Variants in LANCL2 observed in about 807,000 individuals in gnomAD.
The protein encoded by LANCL2 is lanC-like protein 2.
A neutral mutation model predicts 56.9 loss-of-function variants in LANCL2; 33 were observed. The observed-to-expected ratio is 0.58, with a 90% confidence interval of 0.44 to 0.78. LANCL2 has a LOEUF of 0.78. Ranked by LOEUF, LANCL2 falls within the 30% of genes least tolerant of loss-of-function variation. The probability of loss-of-function intolerance (pLI) is 0.00; values close to 1 mark genes in which losing one functional copy is unlikely to be tolerated. For missense variants in LANCL2, 562 were observed against 580.2 expected (o/e 0.97, Z 0.32); for synonymous variants, 233 against 228.2 (o/e 1.02, Z -0.19).
At chr7:55,406,319 G>A (rs1790406445) in intron 5 of LANCL2, among the ~76,000 whole-genome samples, 1 of 152,200 alleles carries the variant, frequency 6.6e-6, no homozygotes, top group African/African-American at 2.4e-5. Flanking sequence ...TCATAGGCTG[G>A]CCAGAGCGTC....
At chr7:55,398,804 ATG>A (rs1355198979) in intron 3 of LANCL2, among the ~76,000 whole-genome samples, 174 bp downstream of exon 3, 2 of 152,236 alleles carry the variant, frequency 1.3e-5, no homozygotes, top group Non-Finnish European at 2.9e-5. Context: ...TTATCCAAGC[ATG>A]TGTGTGCCTT....
chr7:55,376,182 G>A (rs1277779233), intron 1 of LANCL2, among the ~76,000 whole-genome samples: 1 of 152,164 alleles, frequency 6.6e-6, no homozygotes, highest in Non-Finnish European at 1.5e-5. Context: ...ACTCCAGTCT[G>A]CCCCTTACTG....
intron 5 of LANCL2, among the ~76,000 whole-genome samples, chr7:55,405,535 A>G (rs1254892241): frequency 2.0e-5 from 3 of 148,112 alleles, no homozygotes; most frequent in Non-Finnish European, 4.4e-5. Context: ...CTTTTGCCCA[A>G]GCTAGAGTGC....
chr7:55,397,866 T>C (rs1790273604), intron 2 of LANCL2, among the ~76,000 whole-genome samples: 1 of 152,060 alleles, frequency 6.6e-6, no homozygotes, highest in African/African-American at 2.4e-5. Flanking sequence ...CTCTGTACTG[T>C]GTGGCTGCTC....
Position 55,398,501 on chromosome 7 carries a change from A to G in LANCL2, c.401A>G (p.Lys134Arg). 1 of 1,614,156 alleles carries G rather than the reference A, an allele frequency of 6.2e-7. No homozygotes were observed. The highest frequency in any genetic ancestry group is 8.5e-7 in the Non-Finnish European group (1 of 1,180,034). Reference sequence around the variant, plus strand: ...CTGCTCCGATCCCTGGATTACGTAAAAAGAACACTTCGGAATCTGAATGGC... The same window carrying G: ...CTGCTCCGATCCCTGGATTACGTAAGAAGAACACTTCGGAATCTGAATGGC... Reference protein sequence around the residue: ...TYLLRSLDYVKRTLRNLNGRR... With the variant: ...TYLLRSLDYVRRTLRNLNGRR... Residue 134 changes from lysine (K) to arginine (R), a missense_variant, in exon 3 of 9, where the codon AAA becomes AGA. Physicochemically the swap from Lys to Arg is conservative, Grantham distance 26. Around this residue, in one of 2 missense-constraint regions of LANCL2, gnomAD observed 378 missense variants for 468.4 expected, o/e 0.81. Coordinates refer to ENST00000254770, the MANE Select transcript of LANCL2 (RefSeq NM_018697.4).
intron 2 of LANCL2, among the ~76,000 whole-genome samples, chr7:55,396,040 CATAG>C (rs765401806): frequency 1.3e-5 from 2 of 152,178 alleles, no homozygotes; most frequent in Non-Finnish European, 2.9e-5. Flanking sequence ...TGTATCTAAA[CATAG>C]ATATAGAAAA....
At chr7:55,371,699 A>G (rs1310752440) in intron 1 of LANCL2, among the ~76,000 whole-genome samples, 1 of 152,178 alleles carries the variant, frequency 6.6e-6, no homozygotes, top group Non-Finnish European at 1.5e-5. Flanking sequence ...TTTTCCACAG[A>G]AAAAAATCAG....
At chr7:55,370,431 T>A (rs936299713) in intron 1 of LANCL2, among the ~76,000 whole-genome samples, 1 of 152,226 alleles carries the variant, frequency 6.6e-6, no homozygotes, top group Non-Finnish European at 1.5e-5. Context: ...ATAAATACCA[T>A]GAACTGTAGA....
rs114163857 is a variant in LANCL2, at chr7:55,406,447, C to T, written c.825+5127C>T. On this transcript the variant is annotated intron_variant, in intron 5 of 8. Transcript: ENST00000254770. ...AGAGTCGGCTGAAAGATCTGGTTCC[C>T]GCTTAGCCCTTAGGGCAGAAAGCCT... Among the ~76,000 whole-genome samples the T allele has an allele frequency of 8.9e-4, 135 of 152,248 alleles. 2 individuals carry two copies. Among genetic ancestry groups the T allele is most frequent in the African/African-American group, 2.8e-3 (117 of 41,548 alleles).
intron 5 of LANCL2, among the ~76,000 whole-genome samples, chr7:55,411,187 G>A (rs1347973558): frequency 1.3e-5 from 2 of 152,186 alleles, no homozygotes; most frequent in Non-Finnish European, 2.9e-5. Context: ...ATGGGAAGCT[G>A]TACAGTAACT....
rs1283538649 is a variant in LANCL2 at position 55,431,273 on chromosome 7, A to T, written c.1306A>T (p.Thr436Ser). 1 of 1,613,868 alleles carries T rather than the reference A, an allele frequency of 6.2e-7. No individual in the cohort carries two copies. The highest frequency in any genetic ancestry group is 8.5e-7 in the Non-Finnish European group (1 of 1,179,996). ...HFLSDVLGPE[T>S]SRFPAFELDS... is the part of the protein sequence containing the mutation. ...TCTCTCTGATGTCCTGGGACCAGAG[A>T]CATCACGGTTTCCAGCATTTGAACT... Residue 436 changes from threonine to serine, a missense_variant, in exon 9 of 9, where the codon ACA (threonine) becomes TCA (serine). Physicochemically the swap from Thr to Ser is moderately conservative, Grantham distance 58 (BLOSUM62 1). Around this residue, in one of 2 missense-constraint regions of LANCL2, gnomAD observed 378 missense variants for 468.4 expected, o/e 0.81. Coordinates refer to ENST00000254770, the MANE Select transcript of LANCL2 (RefSeq NM_018697.4).
intron 5 of LANCL2, among the ~76,000 whole-genome samples, chr7:55,402,422 G>C (rs1166941644): frequency 3.2e-5 from 4 of 123,100 alleles, no homozygotes; most frequent in African/African-American, 1.3e-4. Flanking sequence ...GGCCGGGCGG[G>C]GGGCTGACCC....
At chr7:55,401,545 A>G (rs889819892) in intron 5 of LANCL2, among the ~76,000 whole-genome samples, 2 of 31,890 alleles carry the variant, frequency 6.3e-5, no homozygotes, top group African/African-American at 1.3e-4. Context: ...TTTTTTTCCA[A>G]TTTTCTTTTT....
intron 1 of LANCL2, among the ~76,000 whole-genome samples, chr7:55,387,815 C>A (rs1405509672): frequency 6.6e-6 from 1 of 152,094 alleles, no homozygotes; most frequent in Non-Finnish European, 1.5e-5. Context: ...TAAAAAACAA[C>A]CTTACTTTAA....
chr7:55,407,516 A>T (rs1035544322), intron 5 of LANCL2, among the ~76,000 whole-genome samples: 1 of 152,260 alleles, frequency 6.6e-6, no homozygotes, highest in South Asian at 2.1e-4. Flanking sequence ...GTGCCCAGAC[A>T]TGTGGTCAGA....
At chr7:55,402,807 C>T (rs1425626519) in intron 5 of LANCL2, among the ~76,000 whole-genome samples, 5 of 128,196 alleles carry the variant, frequency 3.9e-5, no homozygotes, top group African/African-American at 1.2e-4. Context: ...TCAGACGGGG[C>T]GGCCGGGCAG....
chr7:55,404,429 TA>T (rs1790381492), intron 5 of LANCL2, among the ~76,000 whole-genome samples: 1 of 152,236 alleles, frequency 6.6e-6, no homozygotes, highest in South Asian at 2.1e-4. Flanking sequence ...TATTACTTTT[TA>T]AAATTTTACT....
At chr7:55,414,010 A>G (rs1315374346) in intron 6 of LANCL2, among the ~76,000 whole-genome samples, 3 of 152,256 alleles carry the variant, frequency 2.0e-5, no homozygotes, top group Non-Finnish European at 4.4e-5. Context: ...TGAATACATC[A>G]TTACACATTG....
chr7:55,402,516 C>G (rs1389925958), intron 5 of LANCL2, among the ~76,000 whole-genome samples: 1 of 144,774 alleles, frequency 6.9e-6, no homozygotes, highest in Non-Finnish European at 1.5e-5. Context: ...AGAGGCGCCC[C>G]CCACCTCCCG....
Sources: gnomAD v4.1 joint callset for allele counts (sites outside exome capture counted in the v4.1 genomes callset) on GRCh38, gnomAD v4.1.1 for gene constraint, gnomAD v4.1.1 regional missense constraint, MANE v1.5 for transcripts, NCBI Gene and HGNC (gene_info 2026-07-23, HGNC 2026-07-21) for gene names.